ITCH: variants seen among roughly 807,000 people sequenced by gnomAD.
The protein encoded by ITCH is itchy E3 ubiquitin protein ligase, also known as E3 ubiquitin-protein ligase Itchy homolog.
A neutral mutation model predicts 126.8 loss-of-function variants in ITCH; 28 were observed. The observed-to-expected ratio is 0.22, with a 90% CI of 0.16 to 0.30. The LOEUF (loss-of-function observed/expected upper bound fraction) is 0.30. ITCH is among the 10% of genes least tolerant of loss of function. The pLI is 1.00. For missense variants in ITCH, 631 were observed against 1,032.4 expected (o/e 0.61, Z 5.33); for synonymous variants, 342 against 340.0 (o/e 1.01, Z -0.06).
chr20:34,380,854 C>T (rs1473815264), intron 2 of ITCH, among the ~76,000 whole-genome samples: 8 of 151,992 alleles, frequency 5.3e-5, no homozygotes, highest in African/African-American at 9.7e-5. Context: ...GTGGCACAAT[C>T]GTGGCTCACT....
chr20:34,504,318 C>A lies in ITCH; in HGVS notation c.2417-13C>A. 3.1e-6 allele frequency: 5 copies of A among 1,603,038 alleles called. No homozygotes were observed. Among genetic ancestry groups the A allele is most frequent in the Non-Finnish European group, 4.3e-6 (5 of 1,170,034 alleles). Reference sequence around the variant, plus strand: ...TATACTAACAAACTGTTTATGATTTCATTATGTTTTAGGGAGCAATGGACC... The same window carrying A: ...TATACTAACAAACTGTTTATGATTTAATTATGTTTTAGGGAGCAATGGACC... On this transcript the variant is annotated splice_polypyrimidine_tract_variant and intron_variant, in intron 23 of 24. Transcript: ENST00000374864.
At chr20:34,446,818 C>T (rs1371122182) in intron 11 of ITCH, among the ~76,000 whole-genome samples, 1 of 152,200 alleles carries the variant, frequency 6.6e-6, no homozygotes, top group East Asian at 1.9e-4. Context: ...GGTTCGAATC[C>T]TGGTTCCACA....
intron 3 of ITCH, chr20:34,402,513 T>C: frequency 1.3e-6 from 1 of 750,684 alleles, no homozygotes; most frequent in Non-Finnish European, 2.5e-6. Context: ...AACTCAGCAG[T>C]CATAATCCCT....
chr20:34,503,903 A>C (rs1252626148), intron 23 of ITCH, among the ~76,000 whole-genome samples: 1 of 96,952 alleles, frequency 1.0e-5, no homozygotes, highest in Non-Finnish European at 1.9e-5. Flanking sequence ...TTTTTTTGAG[A>C]TAGGGTCTCG....
intron 2 of ITCH, among the ~76,000 whole-genome samples, chr20:34,385,736 A>G (rs756430071): frequency 3.3e-5 from 5 of 152,312 alleles, no homozygotes; most frequent in Non-Finnish European, 7.4e-5. Context: ...TTTGAACAGT[A>G]TAATTGTCCT....
At chr20:34,409,152 G>A (rs796962866) in intron 4 of ITCH, among the ~76,000 whole-genome samples, 16 of 93,570 alleles carry the variant, frequency 1.7e-4, no homozygotes, top group East Asian at 1.4e-3. Context: ...CCCCCCCCCC[G>A]GTTTTTAACT....
intron 1 of ITCH, among the ~76,000 whole-genome samples, 156 bp downstream of exon 1, chr20:34,363,505 G>T (rs2122920902): frequency 6.6e-6 from 1 of 152,288 alleles, no homozygotes; most frequent in East Asian, 1.9e-4. Context: ...TCTGTCGGGG[G>T]CGCGGGGAGC....
chr20:34,459,235 A>C (rs1462844223), intron 13 of ITCH, among the ~76,000 whole-genome samples: 1 of 152,186 alleles, frequency 6.6e-6, no homozygotes, highest in Non-Finnish European at 1.5e-5. Flanking sequence ...CAGAAGGAAT[A>C]GGTGCACAGG....
intron 17 of ITCH, among the ~76,000 whole-genome samples, chr20:34,478,706 GGTGGCTACATTTTAGTA>G (rs983994306): frequency 2.6e-5 from 4 of 152,130 alleles, no homozygotes; most frequent in African/African-American, 4.8e-5. Context: ...CACGCTAATT[GGTGGCTACATTTTAGTA>G]GTTCTTATTT....
chr20:34,444,239 T>G (rs1984142925), intron 10 of ITCH, among the ~76,000 whole-genome samples: 2 of 152,322 alleles, frequency 1.3e-5, no homozygotes, highest in African/African-American at 4.8e-5. Flanking sequence ...AAATGTTTTA[T>G]TTAGAACATT....
chr20:34,483,776 C>G (rs544036687), intron 20 of ITCH, among the ~76,000 whole-genome samples: 1 of 152,322 alleles, frequency 6.6e-6, no homozygotes, highest in Non-Finnish European at 1.5e-5. Flanking sequence ...TCTTCAGCAG[C>G]ACCCCACTCC....
chr20:34,389,501 C>T (rs1473966003), intron 2 of ITCH, among the ~76,000 whole-genome samples: 1 of 152,048 alleles, frequency 6.6e-6, no homozygotes, highest in African/African-American at 2.4e-5. Context: ...GGGAAAGGAA[C>T]TGCAGACTAG....
intron 16 of ITCH, chr20:34,476,011 C>G: frequency 3.1e-6 from 5 of 1,597,868 alleles, no homozygotes; most frequent in Non-Finnish European, 4.3e-6. Context: ...TAGATTTTGT[C>G]AAACAGATTT....
rs1313137922 is a variant in ITCH, at chr20:34,471,675, T to G, written c.1569+160T>G. On this transcript the variant is annotated intron_variant, in intron 16 of 24. Transcript: ENST00000374864. ...GCCAGCCACCTTAGGGCTTAAGGGG[T>G]GTGTGTGTGTGTGTGTGTGTGTGTG... Among the ~76,000 whole-genome samples, 26 of 35,864 alleles carry G rather than the reference T, an allele frequency of 7.2e-4. No homozygotes were observed. The East Asian group carries it at 9.8e-3, about 13-fold the overall frequency. The allele number at this position is 35,864 out of a possible 152,430, so 23.5% of individuals were successfully genotyped here.
At chr20:34,456,098 T>A (rs1985877952) in intron 12 of ITCH, among the ~76,000 whole-genome samples, 1 of 148,786 alleles carries the variant, frequency 6.7e-6, no homozygotes, top group South Asian at 2.1e-4. Context: ...TATATATGTA[T>A]GTATATATAC....
At chr20:34,476,485 C>A in intron 16 of ITCH, 1 of 1,210,094 alleles carries the variant, frequency 8.3e-7, no homozygotes, top group South Asian at 4.1e-5. Context: ...CGCCCGCGGT[C>A]GGGAACTCAA....
At chr20:34,436,400 G>T (rs1306920191) in intron 7 of ITCH, among the ~76,000 whole-genome samples, 1 of 152,136 alleles carries the variant, frequency 6.6e-6, no homozygotes, top group Admixed American at 6.5e-5. Flanking sequence ...AAAAGCAGCA[G>T]GAACTCTTCT....
chr20:34,380,159 A>C (rs962542067), intron 2 of ITCH, among the ~76,000 whole-genome samples: 1 of 152,132 alleles, frequency 6.6e-6, no homozygotes, highest in Non-Finnish European at 1.5e-5. Context: ...GCCGTGAGCC[A>C]CTGCGCCTGG....
At chr20:34,480,550 A>G (rs760395825) in intron 18 of ITCH, 49 bp from the exon 19 acceptor site, 3 of 1,596,758 alleles carry the variant, frequency 1.9e-6, no homozygotes, top group East Asian at 2.2e-5. Context: ...TTGAAATAAA[A>G]TGATTATTGT....
Sources: allele counts gnomAD v4.1 joint callset (sites outside exome capture counted in the v4.1 genomes callset), GRCh38; gene constraint gnomAD v4.1.1; transcripts MANE v1.5; gene names NCBI Gene and HGNC (gene_info 2026-07-23, HGNC 2026-07-21).